Variants in PCDHA11 observed in about 807,000 individuals in gnomAD.
PCDHA11 encodes protocadherin alpha-11.
In PCDHA11, 61 loss-of-function variants were observed where a neutral mutation model predicts 70.3. That is an observed-to-expected ratio of 0.87 (90% CI 0.71 to 1.07). PCDHA11 has a LOEUF of 1.07. Ranked by LOEUF, PCDHA11 falls within the 50% of genes least tolerant of loss-of-function variation. PCDHA11 has a pLI of 0.00. For synonymous variants in PCDHA11, 633 were observed against 555.1 expected (o/e 1.14, Z -1.97); for missense variants, 1,324 against 1,237.5 (o/e 1.07, Z -1.05).
At chr5:140,906,041 A>T (rs1257569280) in intron 1 of PCDHA11, among the ~76,000 whole-genome samples, 1 of 152,128 alleles carries the variant, frequency 6.6e-6, no homozygotes, top group Non-Finnish European at 1.5e-5. Context: ...GTCTGCTTTT[A>T]TTCTGGCTGC....
At chr5:140,873,009 T>C (rs1397141967) in intron 1 of PCDHA11, among the ~76,000 whole-genome samples, 1 of 152,224 alleles carries the variant, frequency 6.6e-6, no homozygotes, top group African/African-American at 2.4e-5. Context: ...TCATTCTTCA[T>C]ATTTAGTTAT....
chr5:140,970,222 C>T (rs1270140969), intron 1 of PCDHA11, among the ~76,000 whole-genome samples: 2 of 152,134 alleles, frequency 1.3e-5, no homozygotes, highest in Non-Finnish European at 2.9e-5. Context: ...TAAATGCAGC[C>T]TGTAATCTTC....
At chr5:140,959,506 A>G (rs1554224114) in intron 1 of PCDHA11, among the ~76,000 whole-genome samples, 6 of 152,226 alleles carry the variant, frequency 3.9e-5, no homozygotes. Flanking sequence ...AAACTAAAAA[A>G]TTTTAAGATC....
intron 1 of PCDHA11, among the ~76,000 whole-genome samples, chr5:140,878,601 T>A (rs1409343825): frequency 6.6e-6 from 1 of 152,224 alleles, no homozygotes; most frequent in African/African-American, 2.4e-5. Flanking sequence ...ACCAAGTGAA[T>A]CTTCTAATGT....
At chr5:140,911,066 A>C (rs1166409987) in intron 1 of PCDHA11, among the ~76,000 whole-genome samples, 1 of 152,042 alleles carries the variant, frequency 6.6e-6, no homozygotes, top group Non-Finnish European at 1.5e-5. Flanking sequence ...GTGGGTCCTG[A>C]GGAGAATCAA....
Position 140,871,245 on chromosome 5 carries a change from G to A in PCDHA11, c.2142G>A (p.Leu714=). The stretch of plus-strand genomic sequence containing the variant: ...TGTCCAGCCTCCTGGTACTCACGCT[G>A]CTGCTGTATACGGCGCTGTGGTGGT... ...CVVSSLLVLT[L]LLYTALWWSA... is the part of the protein sequence containing the mutation. The change falls in exon 1 of 4, where the codon CTG becomes CTA. Residue 714 remains leucine (L), a synonymous_variant. Coordinates refer to ENST00000398640, the MANE Select transcript of PCDHA11 (RefSeq NM_018902.5). The A allele has an allele frequency of 6.2e-7, 1 of 1,613,982 alleles. No homozygotes were observed. The highest frequency in any genetic ancestry group is 8.5e-7 in the Non-Finnish European group (1 of 1,179,958).
chr5:140,908,834 G>A (rs915665508), intron 1 of PCDHA11, among the ~76,000 whole-genome samples: 64 of 152,226 alleles, frequency 4.2e-4, no homozygotes, highest in African/African-American at 1.4e-3. Flanking sequence ...CGATAAATGG[G>A]CTGGAGTAAC....
chr5:140,958,079 T>C (rs182718226), intron 1 of PCDHA11, among the ~76,000 whole-genome samples: 1 of 152,202 alleles, frequency 6.6e-6, no homozygotes, highest in East Asian at 1.9e-4. Context: ...AAGCAAAAAG[T>C]AAAGTTGTAC....
chr5:140,943,804 G>C (rs996208541), intron 1 of PCDHA11, among the ~76,000 whole-genome samples: 2 of 152,224 alleles, frequency 1.3e-5, no homozygotes, highest in Non-Finnish European at 2.9e-5. Flanking sequence ...AGCAAAAGAG[G>C]AAAGTTTGAA....
At chr5:140,918,941 T>C (rs1476342004) in intron 1 of PCDHA11, among the ~76,000 whole-genome samples, 1 of 152,228 alleles carries the variant, frequency 6.6e-6, no homozygotes, top group East Asian at 1.9e-4. Context: ...TTTGTTATAA[T>C]ATCCTGAACA....
chr5:140,926,723 C>G (rs1224901751), intron 1 of PCDHA11: 1 of 1,034,598 alleles, frequency 9.7e-7, no homozygotes, highest in Non-Finnish European at 1.3e-6. Flanking sequence ...CCGGCAATGC[C>G]GGCGTTCGGG....
intron 1 of PCDHA11, among the ~76,000 whole-genome samples, chr5:140,924,152 C>T (rs1163487854): frequency 6.6e-6 from 1 of 152,176 alleles, no homozygotes; most frequent in African/African-American, 2.4e-5. Context: ...TGAAGAAATG[C>T]ACATCCTAAT....
rs1554263423 is a variant in PCDHA11 at position 141,011,323 on chromosome 5, C to T, written c.*1386C>T. 1 of 153,686 alleles carries T rather than the reference C, an allele frequency of 6.5e-6. No individual in the cohort carries two copies. The highest frequency in any genetic ancestry group is 1.5e-5 in the Non-Finnish European group (1 of 68,036). The allele number at this position is 153,686 out of a possible 1,614,324, so 9.5% of individuals were successfully genotyped here. A position where few individuals can be genotyped will look rare whatever the true frequency, so the allele number is the denominator to read the frequency against. ...TCTGAATTGCTAATCTTACTAACACCTATGATGTTACCTGAAATCAATCTC... is the reference window on the plus strand; with the variant it reads ...TCTGAATTGCTAATCTTACTAACACTTATGATGTTACCTGAAATCAATCTC... On this transcript the variant is annotated 3_prime_UTR_variant, in exon 4 of 4. Transcript: ENST00000398640.
chr5:140,871,925 T>C (rs1554165953), intron 1 of PCDHA11, among the ~76,000 whole-genome samples: 1 of 152,244 alleles, frequency 6.6e-6, no homozygotes, highest in African/African-American at 2.4e-5. Flanking sequence ...TTCCACATTG[T>C]TAGATCAACT....
chr5:140,929,282 A>T, intron 1 of PCDHA11: 1 of 1,601,564 alleles, frequency 6.2e-7, no homozygotes, highest in South Asian at 1.1e-5. Flanking sequence ...TCCTGTATTC[A>T]GATTCGGAAT....
At chr5:140,889,101 T>TCC in intron 1 of PCDHA11, among the ~76,000 whole-genome samples, 1 of 152,074 alleles carries the variant, frequency 6.6e-6, no homozygotes, top group East Asian at 1.9e-4. Context: ...AATTTTTTCA[T>TCC]CTTTATTCCA....
At position 140,917,056 on chromosome 5, in the gene PCDHA11, T is replaced by C. The variant is rs539112715; in HGVS notation, c.2391+45562T>C. Among the ~76,000 whole-genome samples the C allele has an allele frequency of 5.9e-5, 9 of 152,280 alleles. No individual in the cohort carries two copies. The East Asian group carries it at 1.7e-3, about 29-fold the overall frequency. On this transcript the variant is annotated intron_variant, in intron 1 of 3. Transcript: ENST00000398640. ...AGTCCAGCACAGTGTTGTTCCCTGCTACGACAGCACCGAGTTTAATGTAAA... is the reference window on the plus strand; with the variant it reads ...AGTCCAGCACAGTGTTGTTCCCTGCCACGACAGCACCGAGTTTAATGTAAA...
intron 1 of PCDHA11, among the ~76,000 whole-genome samples, chr5:140,874,289 T>G (rs1234939624): frequency 1.3e-5 from 2 of 152,230 alleles, no homozygotes; most frequent in Non-Finnish European, 2.9e-5. Context: ...ACAAAATCTA[T>G]GTGTACTTGT....
Position 140,982,348 on chromosome 5 carries a change from T to C in PCDHA11, c.2451-127T>C, listed in dbSNP as rs1253085859. 9 of 1,495,962 alleles carry C rather than the reference T, an allele frequency of 6.0e-6. No homozygotes were observed. The Admixed American group carries it at 1.7e-4, about 28-fold the overall frequency. 92.7% of individuals were successfully genotyped at this position (1,495,962 alleles called of 1,614,324 possible). On this transcript the variant is annotated intron_variant, in intron 2 of 3. Transcript: ENST00000398640. Reference sequence around the variant, plus strand: ...ACTGCTCAGCAGTAATTGCTTCAGTTCAAGCATGAGCAGAATGTGTTAGCT... The same window carrying C: ...ACTGCTCAGCAGTAATTGCTTCAGTCCAAGCATGAGCAGAATGTGTTAGCT...
Sources: gnomAD v4.1 joint callset for allele counts (sites outside exome capture counted in the v4.1 genomes callset) on GRCh38, gnomAD v4.1.1 for gene constraint, MANE v1.5 for transcripts, NCBI Gene and HGNC (gene_info 2026-07-23, HGNC 2026-07-21) for gene names.